ANK3: variants seen among roughly 807,000 people sequenced by gnomAD.
The protein encoded by ANK3 is ankyrin 3.
ANK3 carries 57 observed loss-of-function variants against 370.9 expected under a neutral mutation model. That is an observed-to-expected ratio of 0.15 (90% CI 0.12 to 0.19). The LOEUF is 0.19. Among genes scored for constraint, ANK3 ranks in the 10% least tolerant of loss-of-function variants. The pLI is 1.00. For synonymous variants in ANK3, 1,929 were observed against 1,946.3 expected (o/e 0.99, Z 0.23); for missense variants, 4,439 against 5,302.1 (o/e 0.84, Z 5.06).
chr10:60,377,591 G>A (rs1469138872), intron 1 of ANK3, among the ~76,000 whole-genome samples: 4 of 152,128 alleles, frequency 2.6e-5, no homozygotes, highest in Non-Finnish European at 5.9e-5. Flanking sequence ...GTGATGATGA[G>A]GGAGAGATAA....
chr10:60,368,412 G>A (rs1242431553), intron 1 of ANK3, among the ~76,000 whole-genome samples: 1 of 152,068 alleles, frequency 6.6e-6, no homozygotes, highest in African/African-American at 2.4e-5. Flanking sequence ...AGATACCAAG[G>A]CAAACATTGC....
At chr10:60,433,035 C>G (rs1373664311) in intron 2 of ANK3, among the ~76,000 whole-genome samples, 1 of 152,180 alleles carries the variant, frequency 6.6e-6, no homozygotes, top group Non-Finnish European at 1.5e-5. Flanking sequence ...ATGACAGAGA[C>G]TGCCCCCAGT....
intron 1 of ANK3, among the ~76,000 whole-genome samples, chr10:60,332,480 T>C (rs1368033836): frequency 6.6e-6 from 1 of 152,166 alleles, no homozygotes; most frequent in African/African-American, 2.4e-5. Flanking sequence ...TTTCTAACTT[T>C]TAGAAAAATG....
intron 1 of ANK3, among the ~76,000 whole-genome samples, chr10:60,344,855 G>T (rs74815782): frequency 0.013 from 2,037 of 152,234 alleles, 44 homozygotes; most frequent in African/African-American, 0.044. Context: ...TGAAATATTT[G>T]GTTAACTTGG....
At chr10:60,186,285 T>C (rs752724121) in intron 17 of ANK3, among the ~76,000 whole-genome samples, 7 of 152,090 alleles carry the variant, frequency 4.6e-5, no homozygotes, top group Non-Finnish European at 1.0e-4. Context: ...TAGAGCCACT[T>C]CCATATATAC....
Position 60,233,037 on chromosome 10 carries a change from C to T in ANK3, c.897+1651G>A, listed in dbSNP as rs138090449. ...AACCCTTCGATAGATGGATGTTTGT[C>T]GTGAGACCATCTTTTGATTAGATTG... On this transcript the variant is annotated intron_variant, in intron 8 of 43. Coordinates refer to ENST00000280772, the MANE Select transcript of ANK3 (RefSeq NM_020987.5). Among the ~76,000 whole-genome samples, 55 of 152,254 alleles carry T rather than the reference C, an allele frequency of 3.6e-4. 2 individuals are homozygous for T. Among genetic ancestry groups the T allele is most frequent in the East Asian group, 1.7e-3 (9 of 5,180 alleles).
rs78217426 is a variant in ANK3 at position 60,554,423 on chromosome 10, T to C, written c.96+60763A>G. 2.3e-3 allele frequency among the ~76,000 whole-genome samples: 349 copies of C among 152,260 alleles called. 3 individuals are homozygous for C. The highest frequency in any genetic ancestry group is 7.9e-3 in the African/African-American group (327 of 41,562). On this transcript the variant is annotated intron_variant, in intron 2 of 43. Transcript: ENST00000373827. ...CTGGTGGCAGCTCAAGGAACGAGCC[T>C]ATAGTGCAAAATCCTAGCCTTTCTT...
chr10:60,346,917 C>T (rs1036292907), intron 1 of ANK3, among the ~76,000 whole-genome samples: 4 of 150,746 alleles, frequency 2.7e-5, no homozygotes, highest in Admixed American at 1.3e-4. Flanking sequence ...TTGTTTAGGC[C>T]CTGATATTCT....
At chr10:60,491,420 G>A (rs2075500757) in intron 2 of ANK3, among the ~76,000 whole-genome samples, 1 of 152,190 alleles carries the variant, frequency 6.6e-6, no homozygotes, top group Non-Finnish European at 1.5e-5. Flanking sequence ...CCGTGCCTCT[G>A]TGAATGCAAA....
In ANK3 at chr10:60,114,327, A is replaced by G. The variant is rs1203721621; in HGVS notation, c.2846T>C (p.Leu949Pro). ...TGAATCAAATTCCCTTGTGAATGTT[A>G]GATGCTGAAAAATAAAATGGTAAAT... Reference protein sequence around the residue: ...ELLVPSKEQHLTFTREFDSDS... With the variant: ...ELLVPSKEQHPTFTREFDSDS... The change falls in exon 26 of 44, where the codon CTA becomes CCA. Residue 949 changes from leucine (L) to proline (P), a missense_variant. By Grantham distance (98) the Leu-to-Pro change is moderately conservative. Transcript: ENST00000280772. The G allele has an allele frequency of 3.2e-6, 5 of 1,580,248 alleles. No individual in the cohort carries two copies. The highest frequency in any genetic ancestry group is 4.3e-6 in the Non-Finnish European group (5 of 1,155,884).
chr10:60,663,412 C>T (rs1354178553), intron 1 of ANK3, among the ~76,000 whole-genome samples: 1 of 152,144 alleles, frequency 6.6e-6, no homozygotes, highest in East Asian at 1.9e-4. Context: ...TTACAAGGCT[C>T]AGCTGAAAGG....
intron 2 of ANK3, among the ~76,000 whole-genome samples, chr10:60,463,038 G>T (rs1328838238): frequency 6.6e-6 from 1 of 152,008 alleles, no homozygotes; most frequent in South Asian, 2.1e-4. Context: ...CCAGTAGCTG[G>T]GACTACAGGC....
intron 2 of ANK3, among the ~76,000 whole-genome samples, chr10:60,609,270 T>TA (rs1415106589): frequency 1.3e-5 from 2 of 152,272 alleles, no homozygotes; most frequent in African/African-American, 4.8e-5. Context: ...AATGAGTAAC[T>TA]AGCCAGCCAG....
At chr10:60,685,094 A>G in intron 1 of ANK3, 1 of 1,137,546 alleles carries the variant, frequency 8.8e-7, no homozygotes, top group Non-Finnish European at 1.3e-6. Context: ...AATACCTATT[A>G]TATCTGTGTG....
chr10:60,521,474 T>C (rs1426044589), intron 2 of ANK3, among the ~76,000 whole-genome samples: 2 of 152,078 alleles, frequency 1.3e-5, no homozygotes, highest in Admixed American at 1.3e-4. Flanking sequence ...AAATAAAGCC[T>C]GGAGTTCTGA....
intron 1 of ANK3, among the ~76,000 whole-genome samples, chr10:60,634,063 G>T (rs7089720): frequency 0.68 from 103,265 of 152,130 alleles, 35,154 homozygotes; most frequent in South Asian, 0.82. Flanking sequence ...TGGAGTTCAG[G>T]TGTAACTATT....
At chr10:60,675,315 G>C (rs1205949681) in intron 1 of ANK3, among the ~76,000 whole-genome samples, 1 of 152,100 alleles carries the variant, frequency 6.6e-6, no homozygotes, top group African/African-American at 2.4e-5. Flanking sequence ...AAAGATAAAA[G>C]GATTCAGGGT....
chr10:60,633,147 G>T (rs1413538762), intron 1 of ANK3, among the ~76,000 whole-genome samples: 1 of 152,100 alleles, frequency 6.6e-6, no homozygotes, highest in Non-Finnish European at 1.5e-5. Flanking sequence ...ATTCTGAAAT[G>T]CAATTTCCAC....
chr10:60,583,223 G>C (rs2077779506), intron 2 of ANK3, among the ~76,000 whole-genome samples: 1 of 152,132 alleles, frequency 6.6e-6, no homozygotes, highest in Non-Finnish European at 1.5e-5. Context: ...GGATGAATCT[G>C]GAGAACATTA....
Sources: gnomAD v4.1 joint callset for allele counts (sites outside exome capture counted in the v4.1 genomes callset) on GRCh38, gnomAD v4.1.1 for gene constraint, MANE v1.5 for transcripts, NCBI Gene and HGNC (gene_info 2026-07-23, HGNC 2026-07-21) for gene names.